Variants in ZCCHC24 observed in about 807,000 individuals in gnomAD.
ZCCHC24 encodes the protein zinc finger CCHC domain-containing protein 24.
Under a neutral mutation model 26.2 loss-of-function variants are expected in ZCCHC24, and 10 were observed. The observed-to-expected ratio is 0.38, with a 90% confidence interval of 0.24 to 0.65. The LOEUF (loss-of-function observed/expected upper bound fraction) is 0.65, where lower values mean the gene tolerates loss of function less well. Among genes scored for constraint, ZCCHC24 ranks in the 30% least tolerant of loss-of-function variants. The probability of loss-of-function intolerance (pLI) is 0.54; values close to 1 mark genes in which losing one functional copy is unlikely to be tolerated. For synonymous variants in ZCCHC24, 144 were observed against 147.1 expected (o/e 0.98, Z 0.15); for missense variants, 243 against 329.1 (o/e 0.74, Z 2.03).
intron 2 of ZCCHC24, among the ~76,000 whole-genome samples, chr10:79,406,600 G>C (rs1012301443): frequency 6.6e-6 from 1 of 152,192 alleles, no homozygotes; most frequent in Non-Finnish European, 1.5e-5. Flanking sequence ...CTGGGCCCCA[G>C]GTTCCCTGGC....
chr10:79,426,792 T>C (rs1302820676), intron 2 of ZCCHC24, among the ~76,000 whole-genome samples: 2 of 152,178 alleles, frequency 1.3e-5, no homozygotes, highest in Admixed American at 6.5e-5. Flanking sequence ...AAAAAAGACA[T>C]GAGTAATTTA....
chr10:79,444,188 A>C, intron 1 of ZCCHC24: 1 of 1,528,512 alleles, frequency 6.5e-7, no homozygotes, highest in Non-Finnish European at 8.8e-7. Flanking sequence ...GAAAACCCCC[A>C]CAAGGGGAGG....
In ZCCHC24 at chr10:79,394,235, C is replaced by T. The variant is rs370394493; in HGVS notation, c.612+41G>A. On this transcript the variant is annotated intron_variant, in intron 3 of 3. Transcript: ENST00000372336. ...GGTCCGGTAAGGGAAAAGTTGCCCT[C>T]CCGCGGTCCTTCTGAGAAGGCCCCA... The T allele has an allele frequency of 6.3e-6, 10 of 1,596,572 alleles. No homozygotes were observed. In the African/African-American group the frequency reaches 9.4e-5, roughly 15 times the overall value.
At chr10:79,412,681 C>T (rs1170632193) in intron 2 of ZCCHC24, among the ~76,000 whole-genome samples, 1 of 152,210 alleles carries the variant, frequency 6.6e-6, no homozygotes, top group African/African-American at 2.4e-5. Flanking sequence ...GGCCCTGCGT[C>T]CCCTCTTCTA....
chr10:79,404,391 C>T (rs1036488694), intron 2 of ZCCHC24, among the ~76,000 whole-genome samples: 1 of 152,160 alleles, frequency 6.6e-6, no homozygotes, highest in Non-Finnish European at 1.5e-5. Context: ...CTTAGCAAAC[C>T]ACACGGATCA....
intron 2 of ZCCHC24, among the ~76,000 whole-genome samples, chr10:79,421,438 C>CCCTCCCTCCCTT (rs1490655323): frequency 5.6e-5 from 2 of 35,844 alleles, no homozygotes; most frequent in Admixed American, 7.8e-4. Context: ...TCTCCCTTCC[C>CCCTCCCTCCCTT]CCTCCCTCCC....
At chr10:79,432,512 T>C in intron 2 of ZCCHC24, 46 bp downstream of exon 2, 2 of 1,573,178 alleles carry the variant, frequency 1.3e-6, no homozygotes, top group Middle Eastern at 1.7e-4. Flanking sequence ...TGTCCGCAGG[T>C]CAGTAGGGGA....
intron 2 of ZCCHC24, among the ~76,000 whole-genome samples, chr10:79,404,219 G>A (rs985148728): frequency 6.6e-6 from 1 of 152,232 alleles, no homozygotes; most frequent in African/African-American, 2.4e-5. Context: ...CCGGCCCTGA[G>A]GCGCTGCTGC....
chr10:79,418,950 G>A (rs182857891), intron 2 of ZCCHC24, among the ~76,000 whole-genome samples: 14 of 149,810 alleles, frequency 9.3e-5, no homozygotes, highest in Non-Finnish European at 1.6e-4. Context: ...GAAGAGATTC[G>A]GGAAAGGCAT....
rs1310389988 is a variant in ZCCHC24, at chr10:79,438,272, C to A, written c.247-5514G>T. Reference sequence around the variant, plus strand: ...CACTCCTCTGTTTGGGACAAGAGATCATTCATCTCGCAAATGAATCCACCC... The same window carrying A: ...CACTCCTCTGTTTGGGACAAGAGATAATTCATCTCGCAAATGAATCCACCC... On this transcript the variant is annotated intron_variant, in intron 1 of 3. Coordinates refer to ENST00000372336, the MANE Select transcript of ZCCHC24 (RefSeq NM_153367.4). Among the ~76,000 whole-genome samples, 6 of 152,184 alleles carry A rather than the reference C, an allele frequency of 3.9e-5. No individual in the cohort carries two copies. The East Asian group carries it at 1.2e-3, about 29-fold the overall frequency.
At chr10:79,418,634 T>G (rs1158311499) in intron 2 of ZCCHC24, among the ~76,000 whole-genome samples, 1 of 152,032 alleles carries the variant, frequency 6.6e-6, no homozygotes, top group East Asian at 1.9e-4. Context: ...GGAGTGGGGA[T>G]GAGAAGGCTG....
rs187956125 is a variant in ZCCHC24, at chr10:79,440,629, G to C, written c.246+4566C>G. On this transcript the variant is annotated intron_variant, in intron 1 of 3. Transcript: ENST00000372336. ...TCTAGATCTAGCTCTCCCACTGACT[G>C]GCTAGGTGACTTGCCAGGCCTCTGT... Among the ~76,000 whole-genome samples the C allele has an allele frequency of 1.1e-4, 16 of 152,254 alleles. No homozygotes were observed. The East Asian group carries it at 1.9e-3, about 18-fold the overall frequency.
chr10:79,399,227 G>T (rs528488036), intron 2 of ZCCHC24, among the ~76,000 whole-genome samples: 37 of 152,306 alleles, frequency 2.4e-4, no homozygotes, highest in African/African-American at 8.4e-4. Context: ...GTTCAGTCCC[G>T]ACGTTGTTTA....
intron 2 of ZCCHC24, among the ~76,000 whole-genome samples, chr10:79,420,774 A>AAATAATAAT (rs146644258): frequency 1.3e-5 from 2 of 151,350 alleles, no homozygotes; most frequent in African/African-American, 2.4e-5. Context: ...TTCTATCTCA[A>AAATAATAAT]AATAATAATA....
At chr10:79,413,783 AGAG>A (rs1286955440) in intron 2 of ZCCHC24, among the ~76,000 whole-genome samples, 2,399 of 145,954 alleles carry the variant, frequency 0.016, 26 homozygotes, top group Non-Finnish European at 0.026. Context: ...TGTGTGTGAG[AGAG>A]AGAGAGAGAG....
intron 2 of ZCCHC24, among the ~76,000 whole-genome samples, chr10:79,417,453 G>C (rs1046011462): frequency 6.6e-6 from 1 of 152,190 alleles, no homozygotes; most frequent in Non-Finnish European, 1.5e-5. Context: ...GCCAGGGCTG[G>C]AGATCAGCAG....
chr10:79,427,621 A>AT (rs913566853), intron 2 of ZCCHC24, among the ~76,000 whole-genome samples: 5 of 152,008 alleles, frequency 3.3e-5, no homozygotes, highest in African/African-American at 1.2e-4. Context: ...GGGAAATAAA[A>AT]AAAAAAAATG....
chr10:79,388,560 T>C (rs75483663), intron 3 of ZCCHC24, among the ~76,000 whole-genome samples: 2,763 of 152,306 alleles, frequency 0.018, 97 homozygotes, highest in African/African-American at 0.064. Flanking sequence ...AAGGACGGTC[T>C]GATCAGTACA....
intron 3 of ZCCHC24, 62 bp downstream of exon 3, chr10:79,394,214 C>A (rs1024158543): frequency 5.1e-6 from 8 of 1,569,524 alleles, no homozygotes; most frequent in Non-Finnish European, 6.1e-6. Context: ...AACTGAGGTC[C>A]GGTAAGGGAA....
Sources: gnomAD v4.1 joint callset for allele counts (sites outside exome capture counted in the v4.1 genomes callset) on GRCh38, gnomAD v4.1.1 for gene constraint, MANE v1.5 for transcripts, NCBI Gene and HGNC (gene_info 2026-07-23, HGNC 2026-07-21) for gene names.